ENPP7: variants seen among roughly 807,000 people sequenced by gnomAD.
ENPP7 encodes the protein ectonucleotide pyrophosphatase/phosphodiesterase 7, also known as ectonucleotide pyrophosphatase/phosphodiesterase family member 7.
Under a neutral mutation model 33.6 loss-of-function variants are expected in ENPP7, and 39 were observed. The observed-to-expected ratio is 1.16, with a 90% CI of 0.90 to 1.52. The LOEUF (loss-of-function observed/expected upper bound fraction) is 1.52, where lower values mean the gene tolerates loss of function less well. Ranked by LOEUF, ENPP7 falls within the 40% of genes most tolerant of loss-of-function variation. The pLI is 0.00. For synonymous variants in ENPP7, 244 were observed against 274.3 expected (o/e 0.89, Z 1.09); for missense variants, 594 against 641.0 (o/e 0.93, Z 0.79).
At position 79,735,414 on chromosome 17, in the gene ENPP7, C is replaced by T. The variant is rs781887348; in HGVS notation, c.771C>T (p.Gly257=). The T allele has an allele frequency of 2.4e-5, 38 of 1,613,922 alleles. 1 individual carries two copies. The highest frequency in any genetic ancestry group is 2.2e-4 in the East Asian group (10 of 44,890). Residue 257 remains glycine, a synonymous_variant, in exon 3 of 6, where the codon GGC becomes GGT. Transcript: ENST00000328313. The surrounding 1 kb of genome is among the most constrained non-coding windows in gnomAD (Gnocchi z 5.5). Reference sequence around the variant, plus strand: ...TGACGACCGTGGACAAACGGGCTGGCGACCTGGTTGAATTCCACAAGTTCC... The same window carrying T: ...TGACGACCGTGGACAAACGGGCTGGTGACCTGGTTGAATTCCACAAGTTCC... The part of the protein sequence containing the change: ...HGMTTVDKRA[G]DLVEFHKFPN...
rs1555824190 is a variant in ENPP7 at position 79,739,217 on chromosome 17, A to C, written c.*16+1155A>C. ...AGGTTCGGCGTGTTTGGGATGAGAC[A>C]GAAGGCCAGTGTGCCTGCAGGTTGG... On this transcript the variant is annotated intron_variant, in intron 5 of 5. Transcript: ENST00000328313. The surrounding 1 kb of genome is among the most constrained non-coding windows in gnomAD (Gnocchi z 4.4). The C allele has an allele frequency of 6.6e-6, 1 of 152,602 alleles. No individual in the cohort carries two copies. The highest frequency in any genetic ancestry group is 2.4e-5 in the African/African-American group (1 of 41,472). The allele number at this position is 152,602 out of a possible 1,614,324, so 9.5% of individuals were successfully genotyped here.
intron 1 of ENPP7, among the ~76,000 whole-genome samples, chr17:79,732,091 G>A (rs2094286442): frequency 1.5e-5 from 1 of 68,146 alleles, no homozygotes. Context: ...AAGCAAGACT[G>A]CATATAATAT....
chr17:79,737,892 C>T lies in ENPP7; in HGVS notation c.1247-24C>T, dbSNP rs782138670. 6.2e-7 allele frequency: 1 copy of T among 1,612,956 alleles called. No homozygotes were observed. Among genetic ancestry groups the T allele is most frequent in the Non-Finnish European group, 8.5e-7 (1 of 1,179,716 alleles). On this transcript the variant is annotated intron_variant, in intron 4 of 5. Coordinates refer to ENST00000328313, the MANE Select transcript of ENPP7 (RefSeq NM_178543.5). The surrounding 1 kb of genome is among the most constrained non-coding windows in gnomAD (Gnocchi z 5.5). The stretch of plus-strand genomic sequence containing the variant: ...GGTGAGGAGCCATCCCTCTCTCCCT[C>T]ACAGGTCCTCTGGCTTTCCTTAGAA...
In ENPP7 at chr17:79,738,641, C is replaced by T. The variant is rs2094300443; in HGVS notation, c.*16+579C>T. ...CTCTGGAAGCCCACCTCCAAGGACACGCGTGGGGTGCATTTGGGAGGAGAG... is the reference window on the plus strand; with the variant it reads ...CTCTGGAAGCCCACCTCCAAGGACATGCGTGGGGTGCATTTGGGAGGAGAG... On this transcript the variant is annotated intron_variant, in intron 5 of 5. Coordinates refer to ENST00000328313, the MANE Select transcript of ENPP7 (RefSeq NM_178543.5). This position sits in a 1 kb window ranked among gnomAD's most constrained non-coding sequence, Gnocchi z 6.2. The T allele has an allele frequency of 6.6e-6, 1 of 152,178 alleles. No individual in the cohort carries two copies. Among genetic ancestry groups the T allele is most frequent in the South Asian group, 2.1e-4 (1 of 4,786 alleles). The allele number at this position is 152,178 out of a possible 1,614,324, so 9.4% of individuals were successfully genotyped here.
At chr17:79,731,462 C>G in intron 1 of ENPP7, 70 bp downstream of exon 1, 2 of 1,523,812 alleles carry the variant, frequency 1.3e-6, no homozygotes, top group South Asian at 1.3e-5. Context: ...AGAGCCGTGT[C>G]GTGCAGGATA....
At position 79,741,805 on chromosome 17, in the gene ENPP7, G is replaced by C; in HGVS notation, c.*28G>C. The stretch of plus-strand genomic sequence containing the variant: ...GCTTGCTCTTCCAGGAAGCCGCCGG[G>C]AGCTGCCCGCAGGCCCTGGGCCGGC... On this transcript the variant is annotated 3_prime_UTR_variant, in exon 6 of 6. Transcript: ENST00000328313. 2.0e-6 allele frequency: 2 copies of C among 985,992 alleles called. No individual in the cohort carries two copies. The highest frequency in any genetic ancestry group is 2.4e-6 in the Non-Finnish European group (2 of 830,444). 61.1% of individuals were successfully genotyped at this position (985,992 alleles called of 1,614,324 possible).
At position 79,735,650 on chromosome 17, in the gene ENPP7, T is replaced by C. The variant is rs1355421412; in HGVS notation, c.1007T>C (p.Leu336Pro). 1.1e-5 allele frequency: 17 copies of C among 1,607,564 alleles called. No individual in the cohort carries two copies. Among genetic ancestry groups the C allele is most frequent in the Non-Finnish European group, 1.4e-5 (16 of 1,175,410 alleles). Reference protein sequence around the residue: ...RVTPLLMYSDLGYVIHGRINV... With the variant: ...RVTPLLMYSDPGYVIHGRINV... ...ACACCCCTGCTGATGTACAGCGACC[T>C]TGGCTACGTCATCCATGGGGTGAGT... Residue 336 changes from leucine (L) to proline (P), a missense_variant, in exon 3 of 6, where the codon CTT becomes CCT. Physicochemically the swap from Leu to Pro is moderately conservative, Grantham distance 98. Coordinates refer to ENST00000328313, the MANE Select transcript of ENPP7 (RefSeq NM_178543.5). This position sits in a 1 kb window ranked among gnomAD's most constrained non-coding sequence, Gnocchi z 5.5.
rs1555823498 is a variant in ENPP7 at position 79,735,759 on chromosome 17, C to T, written c.1026+90C>T. ...TTTTTTTTGAGACCAGGGTCTTGCT[C>T]TGTTGCCCAGGCTGGAGTGCAATGG... On this transcript the variant is annotated intron_variant, in intron 3 of 5. Coordinates refer to ENST00000328313, the MANE Select transcript of ENPP7 (RefSeq NM_178543.5). This position sits in a 1 kb window ranked among gnomAD's most constrained non-coding sequence, Gnocchi z 5.5. 1.6e-6 allele frequency: 2 copies of T among 1,258,130 alleles called. No individual in the cohort carries two copies. The highest frequency in any genetic ancestry group is 2.3e-5 in the Admixed American group (1 of 42,640). The allele number at this position is 1,258,130 out of a possible 1,614,324, so 77.9% of individuals were successfully genotyped here.
In ENPP7 at chr17:79,735,382, C is replaced by G. The variant is rs782233414; in HGVS notation, c.739C>G (p.His247Asp). Residue 247 changes from histidine to aspartate, a missense_variant, in exon 3 of 6, where the codon CAC becomes GAC. By Grantham distance (81) the His-to-Asp change is moderately conservative. Transcript: ENST00000328313. The surrounding 1 kb of genome is among the most constrained non-coding windows in gnomAD (Gnocchi z 5.5). ...DRLNLIITSD[H>D]GMTTVDKRAG... ...CCTCAACCTGATCATCACATCCGAC[C>G]ACGGCATGACGACCGTGGACAAACG... The G allele has an allele frequency of 6.2e-7, 1 of 1,614,032 alleles. No homozygotes were observed. The highest frequency in any genetic ancestry group is 8.5e-7 in the Non-Finnish European group (1 of 1,180,030).
chr17:79,736,299 A>G (rs958367824), intron 3 of ENPP7, among the ~76,000 whole-genome samples: 1 of 152,150 alleles, frequency 6.6e-6, no homozygotes, highest in African/African-American at 2.4e-5. Context: ...TGGGCCTCCC[A>G]AAGTGCTGGA....
In ENPP7 at chr17:79,736,536, C is replaced by CACGTGTGTGT. The variant is rs1317944325; in HGVS notation, c.1027-505_1027-504insACGTGTGTGT. Among the ~76,000 whole-genome samples, 52 of 146,116 alleles carry CACGTGTGTGT rather than the reference C, an allele frequency of 3.6e-4. 2 individuals carry two copies. The highest frequency in any genetic ancestry group is 1.2e-3 in the African/African-American group (50 of 40,236). On this transcript the variant is annotated intron_variant, in intron 3 of 5. Transcript: ENST00000328313. The stretch of plus-strand genomic sequence containing the variant: ...TCATGACCAGGCACTGTGTGATAGG[C>CACGTGTGTGT]GTGTGTGTGTGTGTGTGTGTGTGTG...
chr17:79,738,718 C>A lies in ENPP7; in HGVS notation c.*16+656C>A, dbSNP rs1598204010. 1 of 151,946 alleles carries A rather than the reference C, an allele frequency of 6.6e-6. No homozygotes were observed. Among genetic ancestry groups the A allele is most frequent in the Non-Finnish European group, 1.5e-5 (1 of 68,092 alleles). The allele number at this position is 151,946 out of a possible 1,614,324, so 9.4% of individuals were successfully genotyped here. On this transcript the variant is annotated intron_variant, in intron 5 of 5. Transcript: ENST00000328313. This position sits in a 1 kb window ranked among gnomAD's most constrained non-coding sequence, Gnocchi z 6.2. ...CTGGAAGCCCACCTCCAAGGACACG[C>A]ATGGGGTGCGTTTGGGAGGAGAGCT...
In ENPP7 at chr17:79,735,719, C is replaced by CT. The variant is rs782036414; in HGVS notation, c.1026+51dup. ...CCTCCAGGGGCTCCCTCCCCAGGCT[C>CT]TGGGTCTTCTTTTTTTTTTTTTGAG... is the stretch of plus-strand genomic sequence containing the variant. On this transcript the variant is annotated intron_variant, in intron 3 of 5. Coordinates refer to ENST00000328313, the MANE Select transcript of ENPP7 (RefSeq NM_178543.5). The surrounding 1 kb of genome is among the most constrained non-coding windows in gnomAD (Gnocchi z 5.5). 2 of 1,509,834 alleles carry CT rather than the reference C, an allele frequency of 1.3e-6. No homozygotes were observed. Among genetic ancestry groups the CT allele is most frequent in the Non-Finnish European group, 1.8e-6 (2 of 1,129,846 alleles). The allele number at this position is 1,509,834 out of a possible 1,614,324, so 93.5% of individuals were successfully genotyped here.
chr17:79,738,016 G>A lies in ENPP7; in HGVS notation c.1347G>A (p.Gly449=), dbSNP rs2145795621. 1 of 1,612,986 alleles carries A rather than the reference G, an allele frequency of 6.2e-7. No homozygotes were observed. Among genetic ancestry groups the A allele is most frequent in the African/African-American group, 1.3e-5 (1 of 75,044 alleles). Residue 449 remains glycine, a synonymous_variant, in exon 5 of 6, where the codon GGG becomes GGA. Transcript: ENST00000328313. The surrounding 1 kb of genome is among the most constrained non-coding windows in gnomAD (Gnocchi z 6.2). ...CCCTCCTCGTGATGGGACTGCTGGG[G>A]ACCGTGATTCTTCTGTCTGAGGTCG... ...SRPLLVMGLL[G]TVILLSEVA
rs1421044299 is a variant in ENPP7 at position 79,738,543 on chromosome 17, C to A, written c.*16+481C>A. 1 of 157,392 alleles carries A rather than the reference C, an allele frequency of 6.4e-6. No homozygotes were observed. Among genetic ancestry groups the A allele is most frequent in the Non-Finnish European group, 1.4e-5 (1 of 70,794 alleles). 9.7% of individuals were successfully genotyped at this position (157,392 alleles called of 1,614,324 possible). On this transcript the variant is annotated intron_variant, in intron 5 of 5. Transcript: ENST00000328313. The surrounding 1 kb of genome is among the most constrained non-coding windows in gnomAD (Gnocchi z 6.2). ...ACCAGGGCTATATTCCTGGAACTCT[C>A]TGGAAGCCCACCTCTGAGGACACGC...
At chr17:79,736,546 T>TAC (rs879975260) in intron 3 of ENPP7, among the ~76,000 whole-genome samples, 12,062 of 139,934 alleles carry the variant, frequency 0.086, 573 homozygotes, top group South Asian at 0.12. Context: ...CGTGTGTGTG[T>TAC]GTGTGTGTGT....
At chr17:79,736,536 C>CGTGT (rs58744239) in intron 3 of ENPP7, among the ~76,000 whole-genome samples, 4,424 of 146,004 alleles carry the variant, frequency 0.03, 83 homozygotes, top group African/African-American at 0.038. Context: ...GTGTGATAGG[C>CGTGT]GTGTGTGTGT....
chr17:79,732,141 T>TATATATACACAC lies in ENPP7; in HGVS notation c.253+756_253+757insCACACATATATA, dbSNP rs2094287473. Reference sequence around the variant, plus strand: ...ATATACATATATATATGTATATATATATATATATACACACACATATATATA... The same window carrying TATATATACACAC: ...ATATACATATATATATGTATATATATATATATACACACATATATATACACACACATATATATA... On this transcript the variant is annotated intron_variant, in intron 1 of 5. Coordinates refer to ENST00000328313, the MANE Select transcript of ENPP7 (RefSeq NM_178543.5). Among the ~76,000 whole-genome samples the TATATATACACAC allele has an allele frequency of 4.5e-3, 244 of 54,516 alleles. 6 individuals are homozygous for TATATATACACAC. The highest frequency in any genetic ancestry group is 0.024 in the African/African-American group (233 of 9,720). 35.8% of individuals were successfully genotyped at this position (54,516 alleles called of 152,430 possible). A position where few individuals can be genotyped will look rare whatever the true frequency, so the allele number is the denominator to read the frequency against.
At position 79,738,238 on chromosome 17, in the gene ENPP7, T is replaced by C. The variant is rs1394779439; in HGVS notation, c.*16+176T>C. Reference sequence around the variant, plus strand: ...GCCATCACCCCTGAGATCCCGAGGCTGACCCTTCCAGCCTCTCTGCTCTGG... The same window carrying C: ...GCCATCACCCCTGAGATCCCGAGGCCGACCCTTCCAGCCTCTCTGCTCTGG... On this transcript the variant is annotated intron_variant, in intron 5 of 5. Coordinates refer to ENST00000328313, the MANE Select transcript of ENPP7 (RefSeq NM_178543.5). The surrounding 1 kb of genome is among the most constrained non-coding windows in gnomAD (Gnocchi z 6.2). 3 of 620,008 alleles carry C rather than the reference T, an allele frequency of 4.8e-6. No homozygotes were observed. Among genetic ancestry groups the C allele is most frequent in the Non-Finnish European group, 8.4e-6 (3 of 356,602 alleles). 38.4% of individuals were successfully genotyped at this position (620,008 alleles called of 1,614,324 possible). A position where few individuals can be genotyped will look rare whatever the true frequency, so the allele number is the denominator to read the frequency against.
Sources: allele counts gnomAD v4.1 joint callset (sites outside exome capture counted in the v4.1 genomes callset), GRCh38; gene constraint gnomAD v4.1.1; non-coding constraint Gnocchi (gnomAD v3.1); transcripts MANE v1.5; gene names NCBI Gene and HGNC (gene_info 2026-07-23, HGNC 2026-07-21).